Variants in EXTL1 observed in about 807,000 individuals in gnomAD.
EXTL1 encodes exostosin like glycosyltransferase 1.
In EXTL1, 43 loss-of-function variants were observed where a neutral mutation model predicts 64.6. The observed-to-expected ratio is 0.67, with a 90% CI of 0.52 to 0.86. The LOEUF (loss-of-function observed/expected upper bound fraction) is 0.86. Among genes scored for constraint, EXTL1 ranks in the 40% least tolerant of loss-of-function variants. EXTL1 has a pLI of 0.00. For synonymous variants in EXTL1, 352 were observed against 360.5 expected (o/e 0.98, Z 0.27); for missense variants, 766 against 879.0 (o/e 0.87, Z 1.62).
Position 26,033,218 on chromosome 1 carries a change from A to T in EXTL1, c.1432-11A>T, listed in dbSNP as rs771048870. The T allele has an allele frequency of 1.2e-6, 2 of 1,603,786 alleles. No homozygotes were observed. Among genetic ancestry groups the T allele is most frequent in the Non-Finnish European group, 1.7e-6 (2 of 1,170,956 alleles). On this transcript the variant is annotated splice_polypyrimidine_tract_variant and intron_variant, in intron 7 of 10. Coordinates refer to ENST00000374280, the MANE Select transcript of EXTL1 (RefSeq NM_004455.3). The surrounding 1 kb of genome is among the most constrained non-coding windows in gnomAD (Gnocchi z 5.1). ...TCCAATGGCTGAGTTCCCCTCCCCC[A>T]CTCCCTGCAGGTTAGTGATCGCTTC...
chr1:26,029,000 C>T (rs1340020743), intron 1 of EXTL1, among the ~76,000 whole-genome samples, 193 bp from the exon 2 acceptor site: 3 of 152,162 alleles, frequency 2.0e-5, no homozygotes, highest in South Asian at 2.1e-4. Flanking sequence ...ACCACAGATG[C>T]GTGGCTGGTG....
At position 26,022,884 on chromosome 1, in the gene EXTL1, T is replaced by G; in HGVS notation, c.238T>G (p.Cys80Gly). Residue 80 changes from cysteine to glycine, a missense_variant, in exon 1 of 11, where the codon TGC becomes GGC. This residue lies in a region of EXTL1 where 571 missense variants were observed against 647.6 expected (regional missense o/e 0.88). Transcript: ENST00000374280. ...TCCTCAAGCCCCTCATGGTGGCAGC[T>G]GCAACTGGGAATCTTGCTTTGATAC... ...SPPQAPHGGSCNWESCFDTSK... is the reference protein window; with the variant it reads ...SPPQAPHGGSGNWESCFDTSK... The G allele has an allele frequency of 6.2e-7, 1 of 1,614,078 alleles. No homozygotes were observed. The highest frequency in any genetic ancestry group is 8.5e-7 in the Non-Finnish European group (1 of 1,180,000).
In EXTL1 at chr1:26,035,276, C is replaced by T. The variant is rs769891239; in HGVS notation, c.1960C>T (p.Leu654=). The change falls in exon 11 of 11, where the codon CTG becomes TTG. Residue 654 remains leucine, a synonymous_variant. Coordinates refer to ENST00000374280, the MANE Select transcript of EXTL1 (RefSeq NM_004455.3). This position sits in a 1 kb window ranked among gnomAD's most constrained non-coding sequence, Gnocchi z 5.3. ...HMPLLSSRLR[L]DPVLFKDPVS... is the part of the protein sequence containing the mutation. ...GCCCTTGCTGTCCTCTCGTCTGCGTCTGGACCCGGTGCTGTTTAAGGACCC... is the reference window on the plus strand; with the variant it reads ...GCCCTTGCTGTCCTCTCGTCTGCGTTTGGACCCGGTGCTGTTTAAGGACCC... 2.5e-6 allele frequency: 4 copies of T among 1,613,652 alleles called. No individual in the cohort carries two copies. In the South Asian group the frequency reaches 4.4e-5, roughly 18 times the overall value.
intron 6 of EXTL1, 25 bp downstream of exon 6, chr1:26,031,591 C>T: frequency 4.2e-6 from 6 of 1,421,560 alleles, no homozygotes; most frequent in Non-Finnish European, 5.8e-6. Flanking sequence ...CAGCTGGAGT[C>T]CTGGGATCCA....
At position 26,033,944 on chromosome 1, in the gene EXTL1, C is replaced by CTTTTTAATGATA; in HGVS notation, c.1679+88_1679+89insTTTTTAATGATA. ...CCGAACGGAGCAGAGTGGCCTAGACCCCAGGGATCCAGGTTCAAGGCCGAG... is the reference window on the plus strand; with the variant it reads ...CCGAACGGAGCAGAGTGGCCTAGACCTTTTTAATGATACCAGGGATCCAGGTTCAAGGCCGAG... On this transcript the variant is annotated intron_variant, in intron 9 of 10. Coordinates refer to ENST00000374280, the MANE Select transcript of EXTL1 (RefSeq NM_004455.3). This position sits in a 1 kb window ranked among gnomAD's most constrained non-coding sequence, Gnocchi z 5.1. 2 of 1,247,746 alleles carry CTTTTTAATGATA rather than the reference C, an allele frequency of 1.6e-6. No homozygotes were observed. The highest frequency in any genetic ancestry group is 3.2e-5 in the Admixed American group (1 of 31,668). 77.3% of individuals were successfully genotyped at this position (1,247,746 alleles called of 1,614,324 possible).
Position 26,029,201 on chromosome 1 carries a change from G to T in EXTL1, c.788G>T (p.Arg263Leu), listed in dbSNP as rs140176340. The change falls in exon 2 of 11, where the codon CGC (arginine) becomes CTC (leucine). Residue 263 changes from arginine (R) to leucine (L), a missense_variant. Around this residue, in one of 3 missense-constraint regions of EXTL1, gnomAD observed 571 missense variants for 647.6 expected, o/e 0.88. Coordinates refer to ENST00000374280, the MANE Select transcript of EXTL1 (RefSeq NM_004455.3). Reference protein sequence around the residue: ...EQDPGPGQTQRQETLPNATFC... With the variant: ...EQDPGPGQTQLQETLPNATFC... ...CCCATGTGCCTCTTTAGGACCCAGCGCCAGGAGACGCTGCCCAATGCCACC... is the reference window on the plus strand; with the variant it reads ...CCCATGTGCCTCTTTAGGACCCAGCTCCAGGAGACGCTGCCCAATGCCACC... The T allele has an allele frequency of 9.3e-6, 15 of 1,613,250 alleles. No homozygotes were observed. In the Middle Eastern group the frequency reaches 4.9e-4, roughly 53 times the overall value.
Position 26,033,216 on chromosome 1 carries a change from C to A in EXTL1, c.1432-13C>A, listed in dbSNP as rs369521703. Reference sequence around the variant, plus strand: ...GTTCCAATGGCTGAGTTCCCCTCCCCCACTCCCTGCAGGTTAGTGATCGCT... The same window carrying A: ...GTTCCAATGGCTGAGTTCCCCTCCCACACTCCCTGCAGGTTAGTGATCGCT... On this transcript the variant is annotated splice_polypyrimidine_tract_variant and intron_variant, in intron 7 of 10. Transcript: ENST00000374280. The surrounding 1 kb of genome is among the most constrained non-coding windows in gnomAD (Gnocchi z 5.1). 8 of 1,598,036 alleles carry A rather than the reference C, an allele frequency of 5.0e-6. No individual in the cohort carries two copies. The African/African-American group carries it at 5.4e-5, about 11-fold the overall frequency.
intron 6 of EXTL1, chr1:26,032,090 C>A (rs1013365214): frequency 3.5e-5 from 11 of 314,260 alleles, no homozygotes; most frequent in Non-Finnish European, 5.8e-5. Flanking sequence ...ATGAAGGCTT[C>A]GAGAAAAGAT....
At position 26,022,402 on chromosome 1, in the gene EXTL1, C is replaced by T. The variant is rs547140366; in HGVS notation, c.-245C>T. On this transcript the variant is annotated 5_prime_UTR_variant, in exon 1 of 11. Coordinates refer to ENST00000374280, the MANE Select transcript of EXTL1 (RefSeq NM_004455.3). ...GTCCAAAGGCCGAGAAGGCAGAGTC[C>T]TGAGAGCAGGGGGGCCAGGCCAGCA... 3.5e-4 allele frequency: 168 copies of T among 481,520 alleles called. No individual in the cohort carries two copies. The highest frequency in any genetic ancestry group is 3.0e-3 in the African/African-American group (152 of 50,140). The allele number at this position is 481,520 out of a possible 1,614,324, so 29.8% of individuals were successfully genotyped here. A position where few individuals can be genotyped will look rare whatever the true frequency, so the allele number is the denominator to read the frequency against.
rs568895638 is a variant in EXTL1 at position 26,031,360 on chromosome 1, C to A, written c.1234+96C>A. The A allele has an allele frequency of 8.0e-6, 12 of 1,507,984 alleles. No individual in the cohort carries two copies. The African/African-American group carries it at 1.7e-4, about 21-fold the overall frequency. The allele number at this position is 1,507,984 out of a possible 1,614,324, so 93.4% of individuals were successfully genotyped here. On this transcript the variant is annotated intron_variant, in intron 5 of 10. Transcript: ENST00000374280. ...GAGCCCCACCAAGACCCTTTCCAAGCCCTAACATTTTTCCTGGCCCCCGGG... is the reference window on the plus strand; with the variant it reads ...GAGCCCCACCAAGACCCTTTCCAAGACCTAACATTTTTCCTGGCCCCCGGG...
chr1:26,034,518 T>A lies in EXTL1; in HGVS notation c.1680-318T>A, dbSNP rs2050318566. Among the ~76,000 whole-genome samples, 1 of 152,184 alleles carries A rather than the reference T, an allele frequency of 6.6e-6. No individual in the cohort carries two copies. The highest frequency in any genetic ancestry group is 1.5e-5 in the Non-Finnish European group (1 of 68,032). On this transcript the variant is annotated intron_variant, in intron 9 of 10. Transcript: ENST00000374280. This position sits in a 1 kb window ranked among gnomAD's most constrained non-coding sequence, Gnocchi z 4.6. ...TTCATCCACAACTGTTCTTTGGGCT[T>A]CCATGTTTGATGGCTTTGAAACCAG...
Position 26,031,144 on chromosome 1 carries a change from C to T in EXTL1, c.1114C>T (p.Arg372Trp), listed in dbSNP as rs201555225. 73 of 1,614,096 alleles carry T rather than the reference C, an allele frequency of 4.5e-5. No homozygotes were observed. The African/African-American group carries it at 4.8e-4, about 11-fold the overall frequency. The change falls in exon 5 of 11, where the codon CGG becomes TGG. Residue 372 changes from arginine to tryptophan, a missense_variant. By Grantham distance (101) the Arg-to-Trp change is moderately radical. Around this residue, in one of 3 missense-constraint regions of EXTL1, gnomAD observed 571 missense variants for 647.6 expected, o/e 0.88. Transcript: ENST00000374280. ...IHTTLEVIQD[R>W]IFGTSAHPSL... ...TCTCTCATTTTAGGTTATTCAGGACCGGATTTTTGGAACATCAGCTCACCC... is the reference window on the plus strand; with the variant it reads ...TCTCTCATTTTAGGTTATTCAGGACTGGATTTTTGGAACATCAGCTCACCC...
In EXTL1 at chr1:26,022,946, G is replaced by A. The variant is rs776950318; in HGVS notation, c.300G>A (p.Val100=). The A allele has an allele frequency of 6.2e-7, 1 of 1,614,148 alleles. No individual in the cohort carries two copies. The highest frequency in any genetic ancestry group is 8.5e-7 in the Non-Finnish European group (1 of 1,180,018). Residue 100 remains valine (V), a synonymous_variant, in exon 1 of 11, where the codon GTG becomes GTA. Transcript: ENST00000374280. ...KCRGDGLKVF[V]YPAVGTISET... is the part of the protein sequence containing the mutation. ...GGGGCGATGGCCTTAAGGTATTCGT[G>A]TACCCAGCGGTTGGAACCATCTCTG...
rs1356852965 is a variant in EXTL1 at position 26,031,239 on chromosome 1, C to A, written c.1209C>A (p.Asp403Glu). Residue 403 changes from aspartate (D) to glutamate (E), a missense_variant, in exon 5 of 11, where the codon GAC (aspartate) becomes GAA (glutamate). Asp to Glu is a conservative substitution (Grantham distance 45). Transcript: ENST00000374280. ...ALSTFSTSPQDFPFYYLQQGS... is the reference protein window; with the variant it reads ...ALSTFSTSPQEFPFYYLQQGS... Reference sequence around the variant, plus strand: ...CTACTTTTTCCACAAGCCCCCAGGACTTCCCCTTCTACTACCTGCAACAGG... The same window carrying A: ...CTACTTTTTCCACAAGCCCCCAGGAATTCCCCTTCTACTACCTGCAACAGG... 2 of 1,613,932 alleles carry A rather than the reference C, an allele frequency of 1.2e-6. No homozygotes were observed. The highest frequency in any genetic ancestry group is 1.7e-6 in the Non-Finnish European group (2 of 1,179,966).
chr1:26,035,124 G>A lies in EXTL1; in HGVS notation c.1849-41G>A, dbSNP rs2050325028. 1.3e-6 allele frequency: 2 copies of A among 1,589,266 alleles called. No individual in the cohort carries two copies. The highest frequency in any genetic ancestry group is 1.1e-5 in the South Asian group (1 of 89,316). Reference sequence around the variant, plus strand: ...TGCACGGGCGTGGGGAGTTCGGAAGGGCAGAGAAGCCCGTTAATGCATTGC... The same window carrying A: ...TGCACGGGCGTGGGGAGTTCGGAAGAGCAGAGAAGCCCGTTAATGCATTGC... On this transcript the variant is annotated intron_variant, in intron 10 of 10. Transcript: ENST00000374280. The surrounding 1 kb of genome is among the most constrained non-coding windows in gnomAD (Gnocchi z 5.3).
In EXTL1 at chr1:26,029,483, G is replaced by A. The variant is rs935964594; in HGVS notation, c.874-117G>A. 8.3e-6 allele frequency: 6 copies of A among 719,892 alleles called. No individual in the cohort carries two copies. The African/African-American group carries it at 1.1e-4, about 13-fold the overall frequency. The allele number at this position is 719,892 out of a possible 1,614,324, so 44.6% of individuals were successfully genotyped here. ...ACCTCCCCTCCCTGAAAAATCCCAT[G>A]TTCCTGTCCTCTTTGCCCCTTGCCC... On this transcript the variant is annotated intron_variant, in intron 2 of 10. Coordinates refer to ENST00000374280, the MANE Select transcript of EXTL1 (RefSeq NM_004455.3).
intron 1 of EXTL1, among the ~76,000 whole-genome samples, chr1:26,026,511 C>G (rs1041487160): frequency 6.6e-6 from 1 of 152,084 alleles, no homozygotes; most frequent in African/African-American, 2.4e-5. Flanking sequence ...TCAGGCTGGT[C>G]TCAAACTCCT....
chr1:26,029,597 C>G lies in EXTL1; in HGVS notation c.874-3C>G, dbSNP rs773599457. 19 of 1,593,546 alleles carry G rather than the reference C, an allele frequency of 1.2e-5. No homozygotes were observed. The highest frequency in any genetic ancestry group is 3.4e-5 in the Admixed American group (2 of 59,124). On this transcript the variant is annotated splice_region_variant and splice_polypyrimidine_tract_variant and intron_variant, in intron 2 of 10. Transcript: ENST00000374280. ...GCTCCCCAGTGACCTCCCCGCCCCC[C>G]AGGCCGGCTGCATCCCAGTGCTTCT...
chr1:26,031,120 C>G lies in EXTL1; in HGVS notation c.1102-12C>G, dbSNP rs776181139. The G allele has an allele frequency of 1.9e-6, 3 of 1,613,918 alleles. No individual in the cohort carries two copies. Among genetic ancestry groups the G allele is most frequent in the South Asian group, 2.2e-5 (2 of 91,088 alleles). On this transcript the variant is annotated splice_polypyrimidine_tract_variant and intron_variant, in intron 4 of 10. Transcript: ENST00000374280. ...AGGCCACTCGCTCTGCTCAGCTTCT[C>G]TCTCATTTTAGGTTATTCAGGACCG...
Sources: gnomAD v4.1 joint callset for allele counts (sites outside exome capture counted in the v4.1 genomes callset) on GRCh38, gnomAD v4.1.1 for gene constraint, gnomAD v4.1.1 regional missense constraint, Gnocchi (gnomAD v3.1) non-coding constraint, MANE v1.5 for transcripts, NCBI Gene and HGNC (gene_info 2026-07-23, HGNC 2026-07-21) for gene names.